The following IPO9 variants were observed in gnomAD, a reference collection of about 807,000 sequenced individuals.
IPO9 encodes importin-9.
A neutral mutation model predicts 128.6 loss-of-function variants in IPO9; 28 were observed. The ratio of observed to expected loss-of-function variants is 0.22; its 90% CI spans 0.16 to 0.30. The LOEUF (loss-of-function observed/expected upper bound fraction) is 0.30. IPO9 is among the 10% of genes least tolerant of loss of function. IPO9 has a pLI of 1.00. For synonymous variants in IPO9, 455 were observed against 475.8 expected (o/e 0.96, Z 0.57); for missense variants, 935 against 1,293.9 (o/e 0.72, Z 4.26).
At chr1:201,860,935 AG>A (rs1680432869) in intron 13 of IPO9, among the ~76,000 whole-genome samples, 1 of 152,180 alleles carries the variant, frequency 6.6e-6, no homozygotes, top group Admixed American at 6.5e-5. Flanking sequence ...TGGGAGGCTG[AG>A]GTGGGCGGAT....
chr1:201,878,321 C>T lies in IPO9; in HGVS notation c.*2267C>T, dbSNP rs1282036140. On this transcript the variant is annotated 3_prime_UTR_variant, in exon 24 of 24. Transcript: ENST00000361565. Reference sequence around the variant, plus strand: ...TGGTGCTAAAGGCATAAGGCCAAGTCAGCCTCTGATATTGGCACAAAAGAA... The same window carrying T: ...TGGTGCTAAAGGCATAAGGCCAAGTTAGCCTCTGATATTGGCACAAAAGAA... 1 of 152,636 alleles carries T rather than the reference C, an allele frequency of 6.6e-6. No individual in the cohort carries two copies. The highest frequency in any genetic ancestry group is 1.5e-5 in the Non-Finnish European group (1 of 68,054). 9.5% of individuals were successfully genotyped at this position (152,636 alleles called of 1,614,324 possible).
At chr1:201,863,995 GATA>G (rs1171170377) in intron 14 of IPO9, among the ~76,000 whole-genome samples, 2 of 152,062 alleles carry the variant, frequency 1.3e-5, no homozygotes, top group African/African-American at 4.8e-5. Context: ...CCAAATCTGG[GATA>G]ATGTGACCTA....
intron 10 of IPO9, 59 bp downstream of exon 10, chr1:201,855,993 T>C (rs1680322560): frequency 7.6e-7 from 1 of 1,321,550 alleles, no homozygotes; most frequent in Non-Finnish European, 1.0e-6. Context: ...ACTTGAAGAA[T>C]ATGAGGTCTT....
In IPO9 at chr1:201,880,146, G is replaced by A. The variant is rs1358091741; in HGVS notation, c.*4092G>A. The A allele has an allele frequency of 1.3e-5, 2 of 152,188 alleles. No homozygotes were observed. The highest frequency in any genetic ancestry group is 1.5e-5 in the Non-Finnish European group (1 of 68,048). 9.4% of individuals were successfully genotyped at this position (152,188 alleles called of 1,614,324 possible). On this transcript the variant is annotated 3_prime_UTR_variant, in exon 24 of 24. Coordinates refer to ENST00000361565, the MANE Select transcript of IPO9 (RefSeq NM_018085.5). ...GCAGATCACTTAAGCCCAAGAGTTT[G>A]AGACCAGTCTGGGCAATGTGGCAAT...
chr1:201,874,242 C>A lies in IPO9; in HGVS notation c.2711-8C>A. On this transcript the variant is annotated splice_region_variant and splice_polypyrimidine_tract_variant and intron_variant, in intron 20 of 23. Coordinates refer to ENST00000361565, the MANE Select transcript of IPO9 (RefSeq NM_018085.5). ...ACTCTGACTTGAAACCTTTTTCTTC[C>A]TTCCCAGACCCAGAACGCTGGACAA... is the stretch of plus-strand genomic sequence containing the variant. 2 of 1,613,148 alleles carry A rather than the reference C, an allele frequency of 1.2e-6. No individual in the cohort carries two copies. The highest frequency in any genetic ancestry group is 1.7e-6 in the Non-Finnish European group (2 of 1,179,598).
At chr1:201,845,137 C>G (rs1372519152) in intron 1 of IPO9, among the ~76,000 whole-genome samples, 1 of 152,096 alleles carries the variant, frequency 6.6e-6, no homozygotes, top group Non-Finnish European at 1.5e-5. Context: ...CTGCCTCAGC[C>G]TCTCGAGTAG....
chr1:201,863,640 G>A, intron 14 of IPO9, 33 bp downstream of exon 14: 1 of 1,548,338 alleles, frequency 6.5e-7, no homozygotes, highest in Non-Finnish European at 8.8e-7. Context: ...ATAATTAAGG[G>A]AAAGTTGCTC....
At chr1:201,829,725 T>C in intron 1 of IPO9, among the ~76,000 whole-genome samples, 1 of 152,102 alleles carries the variant, frequency 6.6e-6, no homozygotes, top group East Asian at 1.9e-4. Context: ...AGGACCAAAG[T>C]CTTTCGCTGT....
At chr1:201,847,911 A>T (rs759864944) in intron 3 of IPO9, among the ~76,000 whole-genome samples, 1 of 152,234 alleles carries the variant, frequency 6.6e-6, no homozygotes, top group Non-Finnish European at 1.5e-5. Flanking sequence ...CCAAAGTGAG[A>T]ATAAAAATAC....
chr1:201,860,010 C>T (rs1680413187), intron 13 of IPO9, among the ~76,000 whole-genome samples: 1 of 151,886 alleles, frequency 6.6e-6, no homozygotes. Flanking sequence ...TTCCGCAATA[C>T]AGAGCAGTAG....
At chr1:201,855,753 T>C in intron 9 of IPO9, 30 bp from the exon 10 acceptor site, 11 of 1,589,148 alleles carry the variant, frequency 6.9e-6, no homozygotes, top group Non-Finnish European at 9.4e-6. Flanking sequence ...TTTCTTGTCA[T>C]TAATTTCTTC....
chr1:201,864,835 T>G (rs1364081635), intron 14 of IPO9, among the ~76,000 whole-genome samples: 1 of 152,254 alleles, frequency 6.6e-6, no homozygotes, highest in Non-Finnish European at 1.5e-5. Context: ...TTTATATTAC[T>G]TTTATAATCA....
chr1:201,836,870 A>G (rs1033391629), intron 1 of IPO9, among the ~76,000 whole-genome samples: 3 of 152,214 alleles, frequency 2.0e-5, no homozygotes, highest in African/African-American at 7.2e-5. Context: ...GGGTCTGTAG[A>G]GAAGGAAATC....
At position 201,868,697 on chromosome 1, in the gene IPO9, G is replaced by T. The variant is rs1257470757; in HGVS notation, c.1905G>T (p.Gln635His). ...AGGACATCTTCAAGGAGCTGTCCCA[G>T]ATTGAAGCCTGTCAGGGCCCAATGC... ...LAQDIFKELS[Q>H]IEACQGPMQM... is the part of the protein sequence containing the mutation. The change falls in exon 16 of 24, where the codon CAG (glutamine) becomes CAT (histidine). Residue 635 changes from glutamine to histidine, a missense_variant. By Grantham distance (24) the Gln-to-His change is conservative. Transcript: ENST00000361565. 5 of 1,613,922 alleles carry T rather than the reference G, an allele frequency of 3.1e-6. No individual in the cohort carries two copies. The highest frequency in any genetic ancestry group is 2.7e-5 in the African/African-American group (2 of 74,908).
chr1:201,866,784 C>T lies in IPO9; in HGVS notation c.1680C>T (p.Phe560=). The change falls in exon 15 of 24, where the codon TTC becomes TTT. Residue 560 remains phenylalanine (F), a synonymous_variant. Transcript: ENST00000361565. ...VSESTHVLQP[F]LPSILDGLIH... ...AGAGTACCCACGTGCTCCAGCCCTT[C>T]CTCCCCAGCATCCTTGATGGCTTAA... 6.2e-7 allele frequency: 1 copy of T among 1,614,146 alleles called. No individual in the cohort carries two copies. The highest frequency in any genetic ancestry group is 1.1e-5 in the South Asian group (1 of 91,082).
chr1:201,845,118 T>C (rs1680103618), intron 1 of IPO9, among the ~76,000 whole-genome samples: 1 of 152,096 alleles, frequency 6.6e-6, no homozygotes, highest in African/African-American at 2.4e-5. Flanking sequence ...CTGGGTTCAA[T>C]TAATTCTCCT....
Position 201,868,709 on chromosome 1 carries a change from T to C in IPO9, c.1917T>C (p.Cys639=). The C allele has an allele frequency of 6.2e-7, 1 of 1,614,036 alleles. No homozygotes were observed. The highest frequency in any genetic ancestry group is 1.1e-5 in the South Asian group (1 of 91,044). The change falls in exon 16 of 24, where the codon TGT becomes TGC. Residue 639 remains cysteine (C), a synonymous_variant. Coordinates refer to ENST00000361565, the MANE Select transcript of IPO9 (RefSeq NM_018085.5). The stretch of plus-strand genomic sequence containing the variant: ...AGGAGCTGTCCCAGATTGAAGCCTG[T>C]CAGGGCCCAATGCAAATGAGGCTGA... The part of the protein sequence containing the change: ...IFKELSQIEA[C]QGPMQMRLIP...
At chr1:201,843,267 T>C (rs187538013) in intron 1 of IPO9, among the ~76,000 whole-genome samples, 1 of 152,332 alleles carries the variant, frequency 6.6e-6, no homozygotes, top group African/African-American at 2.4e-5. Context: ...CATCAGTCCA[T>C]TAGGAATTCT....
At position 201,870,347 on chromosome 1, in the gene IPO9, A is replaced by T. The variant is rs573017677; in HGVS notation, c.2134-236A>T. Among the ~76,000 whole-genome samples, 73 of 152,332 alleles carry T rather than the reference A, an allele frequency of 4.8e-4. No individual in the cohort carries two copies. Among genetic ancestry groups the T allele is most frequent in the Middle Eastern group, 3.4e-3 (1 of 294 alleles). ...GGCCATTGTCCCTTGTGATTAAAAA[A>T]ATATATATACACATTTGTGAGATAG... On this transcript the variant is annotated intron_variant, in intron 17 of 23. Transcript: ENST00000361565. The surrounding 1 kb of genome is among the most constrained non-coding windows in gnomAD (Gnocchi z 4.9).
Sources: gnomAD v4.1 joint callset for allele counts (sites outside exome capture counted in the v4.1 genomes callset) on GRCh38, gnomAD v4.1.1 for gene constraint, Gnocchi (gnomAD v3.1) non-coding constraint, MANE v1.5 for transcripts, NCBI Gene and HGNC (gene_info 2026-07-23, HGNC 2026-07-21) for gene names.